Variants in CAMK2B observed in about 807,000 individuals in gnomAD.
CAMK2B encodes the protein calcium/calmodulin-dependent protein kinase type II subunit beta.
CAMK2B carries 27 observed loss-of-function variants against 93.7 expected under a neutral mutation model. The ratio of observed to expected loss-of-function variants is 0.29; its 90% CI spans 0.21 to 0.40. The LOEUF (loss-of-function observed/expected upper bound fraction) is 0.40. Among genes scored for constraint, CAMK2B ranks in the 10% least tolerant of loss-of-function variants. The pLI is 1.00. For synonymous variants in CAMK2B, 374 were observed against 358.8 expected (o/e 1.04, Z -0.48); for missense variants, 568 against 895.8 (o/e 0.63, Z 4.67).
intron 17 of CAMK2B, among the ~76,000 whole-genome samples, chr7:44,230,754 C>T (rs140888217): frequency 2.4e-4 from 37 of 152,260 alleles, no homozygotes; most frequent in African/African-American, 7.7e-4. Context: ...CATGCAAAGC[C>T]GTGGCTTCCT....
chr7:44,239,687 A>C, intron 12 of CAMK2B, 24 bp from the exon 13 acceptor site: 5 of 820,110 alleles, frequency 6.1e-6, no homozygotes, highest in Non-Finnish European at 8.9e-6. Flanking sequence ...GTTAGAGACG[A>C]GGGGAAGGGA....
chr7:44,220,422 A>T, intron 22 of CAMK2B, 128 bp from the exon 23 acceptor site: 1 of 885,810 alleles, frequency 1.1e-6, no homozygotes, highest in Non-Finnish European at 1.8e-6. Flanking sequence ...CTCTCCTGGG[A>T]GCAGCATGGG....
At chr7:44,322,427 A>G (rs1796334960) in intron 1 of CAMK2B, among the ~76,000 whole-genome samples, 1 of 152,260 alleles carries the variant, frequency 6.6e-6, no homozygotes. Context: ...CCAAAATGAC[A>G]AAAGAGTAAC....
chr7:44,306,290 G>A (rs920587517), intron 1 of CAMK2B, among the ~76,000 whole-genome samples: 2 of 152,146 alleles, frequency 1.3e-5, no homozygotes, highest in African/African-American at 4.8e-5. Flanking sequence ...TTCCAGGGAG[G>A]GTCTGGGACT....
rs2096861423 is a variant in CAMK2B at position 44,259,443 on chromosome 7, C to T, written c.221-517G>A. On this transcript the variant is annotated intron_variant, in intron 3 of 23. Transcript: ENST00000395749. Reference sequence around the variant, plus strand: ...CTGTGTCTCCGCTGTGTCCTGCCAGCACAGGCTGGTGGCAGGGTCCCTGCC... The same window carrying T: ...CTGTGTCTCCGCTGTGTCCTGCCAGTACAGGCTGGTGGCAGGGTCCCTGCC... The T allele has an allele frequency of 1.9e-5, 3 of 159,094 alleles. 1 individual carries two copies. In the South Asian group the frequency reaches 5.5e-4, roughly 29 times the overall value. The allele number at this position is 159,094 out of a possible 1,614,324, so 9.9% of individuals were successfully genotyped here.
rs761526522 is a variant in CAMK2B, at chr7:44,284,244, G to C, written c.66-19C>G. ...AGCCCCCCTGGGGAGGAAAATGGGG[G>C]AGCGAGAGACAGAGACAGAGACAGA... On this transcript the variant is annotated intron_variant, in intron 1 of 23. Coordinates refer to ENST00000395749, the MANE Select transcript of CAMK2B (RefSeq NM_001220.5). 5.2e-6 allele frequency: 8 copies of C among 1,550,044 alleles called. No individual in the cohort carries two copies. Among genetic ancestry groups the C allele is most frequent in the Non-Finnish European group, 7.1e-6 (8 of 1,123,876 alleles).
At chr7:44,226,691 C>G (rs377102167) in intron 19 of CAMK2B, 47 bp from the exon 20 acceptor site, 28 of 1,481,486 alleles carry the variant, frequency 1.9e-5, no homozygotes, top group Non-Finnish European at 5.3e-6. Flanking sequence ...GCACGGGGGG[C>G]ACGCAGGAGA....
At position 44,255,871 on chromosome 7, in the gene CAMK2B, C is replaced by T. The variant is rs1351711771; in HGVS notation, c.276-1264G>A. Among the ~76,000 whole-genome samples the T allele has an allele frequency of 2.6e-5, 4 of 152,202 alleles. No homozygotes were observed. In the East Asian group the frequency reaches 5.8e-4, roughly 22 times the overall value. ...CAGCTAAACGCATGCCCTGATGATC[C>T]CATTGAATCCCCTCAAAATCCTTCG... On this transcript the variant is annotated intron_variant, in intron 4 of 23. Transcript: ENST00000395749.
intron 2 of CAMK2B, among the ~76,000 whole-genome samples, chr7:44,265,174 C>A (rs2096912252): frequency 6.6e-6 from 1 of 152,218 alleles, no homozygotes; most frequent in Non-Finnish European, 1.5e-5. Context: ...ATCTCCCTGC[C>A]CCGCCCCTGC....
intron 4 of CAMK2B, among the ~76,000 whole-genome samples, chr7:44,255,610 C>T (rs1418675254): frequency 1.3e-5 from 2 of 152,222 alleles, no homozygotes; most frequent in African/African-American, 2.4e-5. Context: ...CTCCACTGCA[C>T]TGCCCAGGTG....
chr7:44,279,274 G>A lies in CAMK2B; in HGVS notation c.160+4857C>T, dbSNP rs138606232. ...ATTGATAACTGTTGAAGCTGGGTTCGTTCTATCATTTTCTCTGTATTTGGG... is the reference window on the plus strand; with the variant it reads ...ATTGATAACTGTTGAAGCTGGGTTCATTCTATCATTTTCTCTGTATTTGGG... On this transcript the variant is annotated intron_variant, in intron 2 of 23. Transcript: ENST00000395749. 1.0e-3 allele frequency among the ~76,000 whole-genome samples: 155 copies of A among 152,314 alleles called. 1 individual carries two copies. The highest frequency in any genetic ancestry group is 5.0e-3 in the Admixed American group (77 of 15,310).
chr7:44,256,469 CCTTGTGCA>C (rs1164327936), intron 4 of CAMK2B, among the ~76,000 whole-genome samples: 1 of 152,138 alleles, frequency 6.6e-6, no homozygotes, highest in Non-Finnish European at 1.5e-5. Flanking sequence ...CTGTGTGTGC[CCTTGTGCA>C]CTTGTAGAGC....
chr7:44,291,170 T>C (rs554165624), intron 1 of CAMK2B, among the ~76,000 whole-genome samples: 5 of 152,294 alleles, frequency 3.3e-5, no homozygotes, highest in African/African-American at 1.2e-4. Flanking sequence ...GATGCCTGCT[T>C]GGTATTTACT....
At chr7:44,310,103 T>C (rs1487233278) in intron 1 of CAMK2B, among the ~76,000 whole-genome samples, 2 of 152,262 alleles carry the variant, frequency 1.3e-5, no homozygotes, top group African/African-American at 4.8e-5. Context: ...GGAGTTAGGA[T>C]ACGCTTTGTG....
At chr7:44,237,502 G>A (rs1054023114) in intron 13 of CAMK2B, among the ~76,000 whole-genome samples, 9 of 152,196 alleles carry the variant, frequency 5.9e-5, no homozygotes, top group African/African-American at 2.2e-4. Flanking sequence ...TTGTGAACCC[G>A]CTTTTAAAAC....
intron 2 of CAMK2B, among the ~76,000 whole-genome samples, chr7:44,275,144 T>G (rs2097020921): frequency 6.9e-6 from 1 of 144,400 alleles, no homozygotes; most frequent in Non-Finnish European, 1.5e-5. Flanking sequence ...CCTCCCTCCC[T>G]TCCCTGGCTC....
At chr7:44,229,866 C>T (rs994946272) in intron 17 of CAMK2B, 11 of 188,624 alleles carry the variant, frequency 5.8e-5, no homozygotes, top group African/African-American at 1.9e-4. Context: ...TGACAGTCAT[C>T]GTAGGGGCAT....
At chr7:44,243,987 T>C (rs748916243) in intron 6 of CAMK2B, among the ~76,000 whole-genome samples, 2 of 152,122 alleles carry the variant, frequency 1.3e-5, no homozygotes, top group Non-Finnish European at 2.9e-5. Context: ...CCTCCCTGTT[T>C]CTCACTCCTC....
At chr7:44,302,841 C>T (rs10215216) in intron 1 of CAMK2B, among the ~76,000 whole-genome samples, 42,935 of 152,050 alleles carry the variant, frequency 0.28, 6,797 homozygotes, top group Non-Finnish European at 0.36. Flanking sequence ...CCACTAAGAT[C>T]AGGAACAAAG....
Sources: allele counts gnomAD v4.1 joint callset (sites outside exome capture counted in the v4.1 genomes callset), GRCh38; gene constraint gnomAD v4.1.1; transcripts MANE v1.5; gene names NCBI Gene and HGNC (gene_info 2026-07-23, HGNC 2026-07-21).